PDSS2: variants seen among roughly 807,000 people sequenced by gnomAD.
PDSS2 encodes the protein decaprenyl diphosphate synthase subunit 2, also known as all trans-polyprenyl-diphosphate synthase PDSS2.
PDSS2 carries 31 observed loss-of-function variants against 44.5 expected under a neutral mutation model. The observed-to-expected ratio is 0.70, with a 90% CI of 0.52 to 0.94. The LOEUF (loss-of-function observed/expected upper bound fraction) is 0.94, where lower values mean the gene tolerates loss of function less well. Among genes scored for constraint, PDSS2 ranks in the 40% least tolerant of loss-of-function variants. PDSS2 has a pLI of 0.00. For missense variants in PDSS2, 452 were observed against 482.2 expected (o/e 0.94, Z 0.59); for synonymous variants, 157 against 180.3 (o/e 0.87, Z 1.03).
chr6:107,321,219 G>A (rs200906314), intron 2 of PDSS2, among the ~76,000 whole-genome samples: 1 of 152,124 alleles, frequency 6.6e-6, no homozygotes, highest in Non-Finnish European at 1.5e-5. Context: ...GAATGAATGA[G>A]CAAAGGAACA....
intron 1 of PDSS2, among the ~76,000 whole-genome samples, chr6:107,429,902 ATATATATAT>A (rs1265755830): frequency 0.015 from 648 of 44,634 alleles, 56 homozygotes; most frequent in Middle Eastern, 0.023. Flanking sequence ...AAAAAAAAAA[ATATATATAT>A]ATATATATAT....
Position 107,310,217 on chromosome 6 carries a change from G to A in PDSS2, c.431+23981C>T, listed in dbSNP as rs190894075. ...GGAGAATCACTTGAACCTGGGAGGCGGAGCTTACAGTGAGCAGAGATCACG... is the reference window on the plus strand; with the variant it reads ...GGAGAATCACTTGAACCTGGGAGGCAGAGCTTACAGTGAGCAGAGATCACG... On this transcript the variant is annotated intron_variant, in intron 2 of 7. Coordinates refer to ENST00000369037, the MANE Select transcript of PDSS2 (RefSeq NM_020381.4). Among the ~76,000 whole-genome samples, 122 of 150,588 alleles carry A rather than the reference G, an allele frequency of 8.1e-4. 1 individual carries two copies. Among genetic ancestry groups the A allele is most frequent in the African/African-American group, 2.9e-3 (117 of 40,878 alleles).
At chr6:107,273,724 C>T (rs1215790599) in intron 3 of PDSS2, among the ~76,000 whole-genome samples, 26 of 152,130 alleles carry the variant, frequency 1.7e-4, no homozygotes, top group Non-Finnish European at 1.0e-4. Context: ...CAGTGATTAT[C>T]TCTGGATAGT....
intron 3 of PDSS2, among the ~76,000 whole-genome samples, chr6:107,271,676 T>C (rs1246190544): frequency 3.9e-5 from 6 of 152,224 alleles, no homozygotes; most frequent in Non-Finnish European, 4.4e-5. Flanking sequence ...CCCTGCATTC[T>C]GTCCTTGATT....
intron 3 of PDSS2, among the ~76,000 whole-genome samples, chr6:107,247,350 T>C (rs1432497245): frequency 6.6e-6 from 1 of 152,218 alleles, no homozygotes; most frequent in Admixed American, 6.5e-5. Context: ...AACCAGAGTG[T>C]TCCTTTACTT....
chr6:107,222,916 G>A (rs1773659565), intron 4 of PDSS2, among the ~76,000 whole-genome samples: 1 of 151,704 alleles, frequency 6.6e-6, no homozygotes, highest in Non-Finnish European at 1.5e-5. Flanking sequence ...GACCAGCCTG[G>A]GCAACAAAGT....
At chr6:107,280,576 A>G (rs369222666) in intron 2 of PDSS2, among the ~76,000 whole-genome samples, 1 of 152,092 alleles carries the variant, frequency 6.6e-6, no homozygotes, top group African/African-American at 2.4e-5. Context: ...TTAGCATCCT[A>G]AGCTTCAGAA....
intron 1 of PDSS2, among the ~76,000 whole-genome samples, chr6:107,361,651 A>C (rs930807411): frequency 6.6e-6 from 1 of 152,224 alleles, no homozygotes; most frequent in Admixed American, 6.5e-5. Context: ...TCACACATGT[A>C]ACACTATCCA....
intron 1 of PDSS2, among the ~76,000 whole-genome samples, chr6:107,430,154 A>G (rs1171125940): frequency 4.0e-5 from 6 of 151,658 alleles, no homozygotes; most frequent in African/African-American, 9.7e-5. Context: ...AGCCAATTGT[A>G]TTCATATTTT....
intron 1 of PDSS2, among the ~76,000 whole-genome samples, chr6:107,404,284 A>G (rs182912361): frequency 6.6e-6 from 1 of 152,276 alleles, no homozygotes; most frequent in East Asian, 1.9e-4. Flanking sequence ...CTATTTGACA[A>G]GTCTCTAGGA....
intron 1 of PDSS2, among the ~76,000 whole-genome samples, chr6:107,362,811 T>A (rs1778821505): frequency 6.6e-6 from 1 of 151,924 alleles, no homozygotes; most frequent in Non-Finnish European, 1.5e-5. Flanking sequence ...GAATACAGAG[T>A]CTCAGTAAAA....
At chr6:107,283,676 C>T (rs1229268512) in intron 2 of PDSS2, among the ~76,000 whole-genome samples, 6 of 151,848 alleles carry the variant, frequency 4.0e-5, no homozygotes, top group Non-Finnish European at 7.4e-5. Flanking sequence ...GCTGAGATCG[C>T]GCCATGGCAC....
chr6:107,264,822 G>A (rs1775359204), intron 3 of PDSS2, among the ~76,000 whole-genome samples: 1 of 152,170 alleles, frequency 6.6e-6, no homozygotes, highest in East Asian at 1.9e-4. Context: ...ATTCTGGCAT[G>A]ACCACATCAC....
intron 2 of PDSS2, among the ~76,000 whole-genome samples, chr6:107,296,581 G>C (rs1776515704): frequency 6.6e-6 from 1 of 152,086 alleles, no homozygotes; most frequent in Admixed American, 6.6e-5. Context: ...TAAAAAATTA[G>C]CTGGGCGTGG....
chr6:107,158,161 A>G (rs1770976457), intron 7 of PDSS2, among the ~76,000 whole-genome samples: 1 of 150,970 alleles, frequency 6.6e-6, no homozygotes, highest in Non-Finnish European at 1.5e-5. Flanking sequence ...CAGGCAGAGT[A>G]GAGATCAGAA....
At chr6:107,365,050 T>G (rs983283061) in intron 1 of PDSS2, among the ~76,000 whole-genome samples, 4 of 152,124 alleles carry the variant, frequency 2.6e-5, no homozygotes, top group African/African-American at 7.2e-5. Flanking sequence ...GACAGTAATC[T>G]GAATCTACAT....
At position 107,289,359 on chromosome 6, in the gene PDSS2, C is replaced by T. The variant is rs112745007; in HGVS notation, c.432-15132G>A. Among the ~76,000 whole-genome samples, 1,122 of 125,266 alleles carry T rather than the reference C, an allele frequency of 9.0e-3. 11 individuals are homozygous for T. The highest frequency in any genetic ancestry group is 0.032 in the African/African-American group (1,060 of 33,570). The allele number at this position is 125,266 out of a possible 152,430, so 82.2% of individuals were successfully genotyped here. A position where few individuals can be genotyped will look rare whatever the true frequency, so the allele number is the denominator to read the frequency against. On this transcript the variant is annotated intron_variant, in intron 2 of 7. Coordinates refer to ENST00000369037, the MANE Select transcript of PDSS2 (RefSeq NM_020381.4). The stretch of plus-strand genomic sequence containing the variant: ...CTGCACTCCAGCCTGGGTAACAGAG[C>T]GAGACTCTGTCTCAAAAAAAAAAAA...
At chr6:107,408,673 C>T (rs890000914) in intron 1 of PDSS2, among the ~76,000 whole-genome samples, 15 of 152,250 alleles carry the variant, frequency 9.9e-5, no homozygotes, top group African/African-American at 3.1e-4. Flanking sequence ...ATGCTTCTGC[C>T]ACACCTACAG....
At chr6:107,312,802 A>G (rs988007288) in intron 2 of PDSS2, among the ~76,000 whole-genome samples, 3 of 152,206 alleles carry the variant, frequency 2.0e-5, no homozygotes, top group Non-Finnish European at 4.4e-5. Context: ...TTTACTGATT[A>G]CCTACTAGGG....
Sources: allele counts gnomAD v4.1 joint callset (sites outside exome capture counted in the v4.1 genomes callset), GRCh38; gene constraint gnomAD v4.1.1; transcripts MANE v1.5; gene names NCBI Gene and HGNC (gene_info 2026-07-23, HGNC 2026-07-21).